JAZF1: variants seen among roughly 807,000 people sequenced by gnomAD.
The protein encoded by JAZF1 is juxtaposed with another zinc finger protein 1.
A neutral mutation model predicts 26.4 loss-of-function variants in JAZF1; 8 were observed. The ratio of observed to expected loss-of-function variants is 0.30; its 90% CI spans 0.18 to 0.55. JAZF1 has a LOEUF of 0.55. Among genes scored for constraint, JAZF1 ranks in the 20% least tolerant of loss-of-function variants. The pLI, the probability that JAZF1 is intolerant of heterozygous loss-of-function variation, is 0.94. For synonymous variants in JAZF1, 126 were observed against 122.3 expected, an observed-to-expected ratio of 1.03 and a Z score of -0.20; for missense variants, 199 against 322.0, an observed-to-expected ratio of 0.62 and a Z score of 2.92.
intron 1 of JAZF1, among the ~76,000 whole-genome samples, chr7:27,994,933 G>A (rs1294973186): frequency 6.6e-6 from 1 of 152,100 alleles, no homozygotes; most frequent in Non-Finnish European, 1.5e-5. Context: ...CAGGATAGGA[G>A]GAGAGAGACA....
chr7:28,138,891 G>A (rs1226489750), intron 1 of JAZF1, among the ~76,000 whole-genome samples: 1 of 152,172 alleles, frequency 6.6e-6, no homozygotes, highest in East Asian at 1.9e-4. Context: ...CTCCCAGAGC[G>A]GCTGGAGGCT....
intron 1 of JAZF1, among the ~76,000 whole-genome samples, chr7:28,032,980 A>G (rs1783218071): frequency 6.6e-6 from 1 of 152,140 alleles, no homozygotes; most frequent in South Asian, 2.1e-4. Context: ...TGTGTGCCCA[A>G]GCATCTCCTC....
chr7:28,062,603 G>A (rs746055078), intron 1 of JAZF1, among the ~76,000 whole-genome samples: 7 of 151,800 alleles, frequency 4.6e-5, no homozygotes, highest in Admixed American at 1.3e-4. Flanking sequence ...CCAGCCTCAG[G>A]TTGCCTGTGC....
chr7:27,838,944 A>C (rs1198031166), intron 4 of JAZF1, among the ~76,000 whole-genome samples: 1 of 151,040 alleles, frequency 6.6e-6, no homozygotes, highest in African/African-American at 2.5e-5. Context: ...CTGAATTCTC[A>C]GTGGCCTTGG....
intron 1 of JAZF1, among the ~76,000 whole-genome samples, chr7:28,160,485 C>T (rs1287447738): frequency 1.3e-5 from 2 of 152,098 alleles, no homozygotes; most frequent in Non-Finnish European, 2.9e-5. Context: ...ACACGGTAGG[C>T]GAGGCTTGTT....
chr7:27,877,208 G>A (rs999129340), intron 3 of JAZF1, among the ~76,000 whole-genome samples: 3 of 152,288 alleles, frequency 2.0e-5, no homozygotes, highest in East Asian at 3.9e-4. Context: ...AACACAACTC[G>A]AGGTAATGGT....
At chr7:28,016,197 G>C (rs1039084333) in intron 1 of JAZF1, among the ~76,000 whole-genome samples, 2 of 152,072 alleles carry the variant, frequency 1.3e-5, no homozygotes, top group Admixed American at 6.5e-5. Flanking sequence ...CATGCCCCTC[G>C]CCCCAGTGGC....
intron 1 of JAZF1, among the ~76,000 whole-genome samples, chr7:28,033,472 A>T (rs541348511): frequency 6.6e-6 from 1 of 152,274 alleles, no homozygotes; most frequent in South Asian, 2.1e-4. Context: ...TGAAGGCTCC[A>T]AAGTTATTTG....
At chr7:27,989,983 A>G (rs891169429) in intron 2 of JAZF1, among the ~76,000 whole-genome samples, 6 of 152,218 alleles carry the variant, frequency 3.9e-5, no homozygotes, top group Non-Finnish European at 5.9e-5. Flanking sequence ...ACACATGCAC[A>G]TGTATGTTTA....
At chr7:27,844,561 C>T (rs1782984110) in intron 3 of JAZF1, 2 of 152,042 alleles carry the variant, frequency 1.3e-5, no homozygotes, top group African/African-American at 2.4e-5. Flanking sequence ...AGCACTGCCC[C>T]GACTATGAAT....
At chr7:27,997,206 T>TA (rs1786034582) in intron 1 of JAZF1, among the ~76,000 whole-genome samples, 1 of 151,974 alleles carries the variant, frequency 6.6e-6, no homozygotes, top group African/African-American at 2.4e-5. Flanking sequence ...AGGTGTCAGG[T>TA]ATGGCAAAAG....
At chr7:27,948,567 C>A (rs1160197497) in intron 2 of JAZF1, among the ~76,000 whole-genome samples, 2 of 152,160 alleles carry the variant, frequency 1.3e-5, no homozygotes, top group African/African-American at 4.8e-5. Flanking sequence ...TTTGTACACC[C>A]CTGTATTTTC....
At chr7:28,047,320 T>C (rs1362198714) in intron 1 of JAZF1, among the ~76,000 whole-genome samples, 1 of 152,156 alleles carries the variant, frequency 6.6e-6, no homozygotes, top group Non-Finnish European at 1.5e-5. Flanking sequence ...TATTTTTGCT[T>C]ACTTATTCTC....
rs114129585 is a variant in JAZF1 at position 27,893,162 on chromosome 7, A to G, written c.385+2058T>C. On this transcript the variant is annotated intron_variant, in intron 3 of 4. Transcript: ENST00000283928. ...CCCTTGGAGACTAACAGTGCATATT[A>G]AAGCCCCGAATTAAAGAAATCCATT... Among the ~76,000 whole-genome samples, 1,234 of 152,300 alleles carry G rather than the reference A, an allele frequency of 8.1e-3. 21 individuals are homozygous for G. Among genetic ancestry groups the G allele is most frequent in the African/African-American group, 0.029 (1,185 of 41,564 alleles).
At chr7:27,870,981 A>G (rs972911939) in intron 3 of JAZF1, among the ~76,000 whole-genome samples, 1 of 152,218 alleles carries the variant, frequency 6.6e-6, no homozygotes, top group Non-Finnish European at 1.5e-5. Flanking sequence ...GACTGGGTTC[A>G]TGTACCCCCA....
intron 1 of JAZF1, among the ~76,000 whole-genome samples, chr7:28,150,812 G>T (rs1416362143): frequency 1.1e-4 from 17 of 152,200 alleles, no homozygotes; most frequent in Non-Finnish European, 1.5e-5. Context: ...AAGGAGACTG[G>T]CTCTTGAGGT....
intron 1 of JAZF1, among the ~76,000 whole-genome samples, chr7:28,041,854 G>C (rs989271090): frequency 6.6e-6 from 1 of 152,140 alleles, no homozygotes; most frequent in Non-Finnish European, 1.5e-5. Context: ...AAACTGGCAG[G>C]GAGTCATTTC....
intron 1 of JAZF1, among the ~76,000 whole-genome samples, chr7:28,122,117 CA>C (rs1278403220): frequency 6.6e-6 from 1 of 152,104 alleles, no homozygotes; most frequent in African/African-American, 2.4e-5. Context: ...AGAAACATAC[CA>C]TTCTAAGCTC....
At position 28,161,745 on chromosome 7, in the gene JAZF1, C is replaced by T. The variant is rs185406107; in HGVS notation, c.115+18718G>A. Among the ~76,000 whole-genome samples, 221 of 152,242 alleles carry T rather than the reference C, an allele frequency of 1.5e-3. 5 individuals carry two copies. Among genetic ancestry groups the T allele is most frequent in the Admixed American group, 0.014 (217 of 15,284 alleles). Reference sequence around the variant, plus strand: ...CCTGACAGCCTTTGCTGCTAACTAGCTATAAAAACCAGACTTAGAAGCAGT... The same window carrying T: ...CCTGACAGCCTTTGCTGCTAACTAGTTATAAAAACCAGACTTAGAAGCAGT... On this transcript the variant is annotated intron_variant, in intron 1 of 4. Coordinates refer to ENST00000283928, the MANE Select transcript of JAZF1 (RefSeq NM_175061.4).
Sources: allele counts gnomAD v4.1 joint callset (sites outside exome capture counted in the v4.1 genomes callset), GRCh38; gene constraint gnomAD v4.1.1; transcripts MANE v1.5; gene names NCBI Gene and HGNC (gene_info 2026-07-23, HGNC 2026-07-21).